Variants in CLCA4 observed in about 807,000 individuals in gnomAD.
CLCA4 encodes chloride channel accessory 4, also known as calcium-activated chloride channel regulator 4.
A neutral mutation model predicts 78.9 loss-of-function variants in CLCA4; 69 were observed. The ratio of observed to expected loss-of-function variants is 0.87; its 90% CI spans 0.72 to 1.07. The LOEUF is 1.07. CLCA4 is among the 50% of genes least tolerant of loss of function. The pLI, the probability that CLCA4 is intolerant of heterozygous loss-of-function variation, is 0.00. For synonymous variants in CLCA4, 362 were observed against 375.8 expected (o/e 0.96, Z 0.42); for missense variants, 1,133 against 1,095.8 (o/e 1.03, Z -0.48).
At chr1:86,578,669 T>C (rs575489437) in intron 12 of CLCA4, among the ~76,000 whole-genome samples, 36 of 152,168 alleles carry the variant, frequency 2.4e-4, no homozygotes, top group African/African-American at 8.2e-4. Flanking sequence ...TTATGTTAGT[T>C]TGAACATCTT....
At chr1:86,578,498 C>A (rs903564358) in intron 12 of CLCA4, among the ~76,000 whole-genome samples, 1 of 152,024 alleles carries the variant, frequency 6.6e-6, no homozygotes, top group Admixed American at 6.6e-5. Context: ...TTGTTACCCT[C>A]TTTGTGTCCA....
chr1:86,573,223 T>C (rs1650407661), intron 9 of CLCA4, among the ~76,000 whole-genome samples: 1 of 151,888 alleles, frequency 6.6e-6, no homozygotes, highest in African/African-American at 2.4e-5. Context: ...AGGGCTTCTG[T>C]CACCTCTTCA....
At chr1:86,553,119 C>G in intron 1 of CLCA4, 1 of 785,546 alleles carries the variant, frequency 1.3e-6, no homozygotes. Context: ...GTATCCCATC[C>G]TGCGTCATCT....
rs1461316227 is a variant in CLCA4 at position 86,580,599 on chromosome 1, C to CAAAGTGATGAA, written c.*258_*259insTGATGAAAAAG. ...TTTATTTGTAAGAAATAGTGATGAA[C>CAAAGTGATGAA]AAAGATCCTTTTTCATACTGATACC... On this transcript the variant is annotated 3_prime_UTR_variant, in exon 14 of 14. Transcript: ENST00000370563. The CAAAGTGATGAA allele has an allele frequency of 3.8e-5, 12 of 318,848 alleles. No homozygotes were observed. The highest frequency in any genetic ancestry group is 4.5e-5 in the Non-Finnish European group (8 of 177,054). 19.8% of individuals were successfully genotyped at this position (318,848 alleles called of 1,614,324 possible).
chr1:86,547,707 GAATA>G (rs1462803393), intron 1 of CLCA4, among the ~76,000 whole-genome samples: 3 of 152,060 alleles, frequency 2.0e-5, no homozygotes, highest in Non-Finnish European at 4.4e-5. Flanking sequence ...ATATGCATAA[GAATA>G]TGTGGTATTT....
chr1:86,579,409 C>A lies in CLCA4; in HGVS notation c.2178C>A (p.Thr726=). 6.2e-7 allele frequency: 1 copy of A among 1,613,266 alleles called. No homozygotes were observed. The highest frequency in any genetic ancestry group is 8.5e-7 in the Non-Finnish European group (1 of 1,179,528). Residue 726 remains threonine (T), a synonymous_variant, in exon 13 of 14, where the codon ACC becomes ACA. Coordinates refer to ENST00000370563, the MANE Select transcript of CLCA4 (RefSeq NM_012128.4). The stretch of plus-strand genomic sequence containing the variant: ...AAATTGATGAGGATACTCAGACCAC[C>A]TTGGAGGATTTCAGCCGAACAGCAT... ...RPEIDEDTQT[T]LEDFSRTASG...
intron 12 of CLCA4, 105 bp from the exon 13 acceptor site, chr1:86,579,249 T>C (rs2101821772): frequency 1.2e-6 from 1 of 824,006 alleles, no homozygotes. Context: ...AATGTGACTG[T>C]ATATATTTTT....
At chr1:86,560,118 A>G in intron 2 of CLCA4, 46 bp downstream of exon 2, 1 of 1,554,776 alleles carries the variant, frequency 6.4e-7, no homozygotes, top group Non-Finnish European at 8.7e-7. Flanking sequence ...TTCTGATATT[A>G]ACCATTTTTG....
intron 10 of CLCA4, 134 bp from the exon 11 acceptor site, chr1:86,575,198 A>T: frequency 1.3e-6 from 1 of 741,082 alleles, no homozygotes; most frequent in Non-Finnish European, 2.2e-6. Context: ...CTCAGCCCTT[A>T]CCCATTTATC....
chr1:86,557,722 A>G (rs1248597461), intron 1 of CLCA4, among the ~76,000 whole-genome samples: 4 of 152,166 alleles, frequency 2.6e-5, no homozygotes, highest in Admixed American at 2.6e-4. Context: ...GTATAGGTCT[A>G]TCGGATCCAT....
intron 3 of CLCA4, among the ~76,000 whole-genome samples, chr1:86,560,788 T>C (rs549868277): frequency 6.6e-6 from 1 of 152,350 alleles, no homozygotes; most frequent in East Asian, 1.9e-4. Context: ...TGCCAGTTAC[T>C]GGTCAAGAGA....
intron 1 of CLCA4, 48 bp from the exon 2 acceptor site, chr1:86,559,884 G>A (rs766316874): frequency 1.7e-5 from 25 of 1,488,424 alleles, no homozygotes; most frequent in Admixed American, 2.1e-5. Context: ...TGCTAATTTA[G>A]TTCACTCTAA....
At chr1:86,556,557 C>T (rs1649851471) in intron 1 of CLCA4, among the ~76,000 whole-genome samples, 1 of 152,058 alleles carries the variant, frequency 6.6e-6, no homozygotes, top group East Asian at 1.9e-4. Flanking sequence ...GGTGGATTTG[C>T]TTTTTGGTGA....
At chr1:86,547,471 T>G (rs1473487346) in intron 1 of CLCA4, among the ~76,000 whole-genome samples, 193 bp downstream of exon 1, 1 of 152,206 alleles carries the variant, frequency 6.6e-6, no homozygotes, top group Non-Finnish European at 1.5e-5. Flanking sequence ...TCGGGAACAT[T>G]ATAATTATTC....
In CLCA4 at chr1:86,565,787, T is replaced by G; in HGVS notation, c.736-15T>G. On this transcript the variant is annotated splice_polypyrimidine_tract_variant and intron_variant, in intron 5 of 13. Coordinates refer to ENST00000370563, the MANE Select transcript of CLCA4 (RefSeq NM_012128.4). ...TGGTATATTAAAATTATTTTTTATT[T>G]TATTAACCTTTTAGGTTGTTGAATT... The G allele has an allele frequency of 7.1e-7, 1 of 1,410,330 alleles. No individual in the cohort carries two copies. The highest frequency in any genetic ancestry group is 9.5e-7 in the Non-Finnish European group (1 of 1,057,216). 87.4% of individuals were successfully genotyped at this position (1,410,330 alleles called of 1,614,324 possible).
At chr1:86,560,183 G>A (rs746961705) in intron 2 of CLCA4, 28 bp from the exon 3 acceptor site, 3 of 1,577,762 alleles carry the variant, frequency 1.9e-6, no homozygotes, top group Admixed American at 3.9e-5. Context: ...TATTTTTGAT[G>A]TTTGACAATC....
In CLCA4 at chr1:86,580,216, TACAC is replaced by T; in HGVS notation, c.2632_2635del (p.Thr878LeufsTer26). 2 of 129,838 alleles carry T rather than the reference TACAC, an allele frequency of 1.5e-5. No homozygotes were observed. The highest frequency in any genetic ancestry group is 1.1e-5 in the Non-Finnish European group (1 of 92,348). The allele number at this position is 129,838 out of a possible 1,614,324, so 8.0% of individuals were successfully genotyped here. On this transcript the variant is annotated frameshift_variant, in exon 14 of 14. Transcript: ENST00000370563. LOFTEE classifies it low-confidence loss of function (END_TRUNC). ...AAGCAAATCCTGATGACATTGATCCTACACCTACTCCTACTCCTACTCCTACTCC... is the reference window on the plus strand; with the variant it reads ...AAGCAAATCCTGATGACATTGATCCTCTACTCCTACTCCTACTCCTACTCC...
Position 86,567,460 on chromosome 1 carries a change from A to G in CLCA4, c.991A>G (p.Lys331Glu). ...CCTAAATCGAATGAATCAAGCAGCAAAACATTTCCTGCTGCAGACTGTTGA... is the reference window on the plus strand; with the variant it reads ...CCTAAATCGAATGAATCAAGCAGCAGAACATTTCCTGCTGCAGACTGTTGA... ...DRLNRMNQAAKHFLLQTVENG... is the reference protein window; with the variant it reads ...DRLNRMNQAAEHFLLQTVENG... Residue 331 changes from lysine to glutamate, a missense_variant, in exon 7 of 14, where the codon AAA becomes GAA. By Grantham distance (56) the Lys-to-Glu change is moderately conservative (BLOSUM62 1). Transcript: ENST00000370563. The G allele has an allele frequency of 6.2e-7, 1 of 1,613,134 alleles. No homozygotes were observed. The highest frequency in any genetic ancestry group is 8.5e-7 in the Non-Finnish European group (1 of 1,179,328).
chr1:86,565,735 A>C (rs1650163787), intron 5 of CLCA4, 67 bp from the exon 6 acceptor site: 2 of 966,190 alleles, frequency 2.1e-6, no homozygotes, highest in South Asian at 2.2e-5. Context: ...TAAATTTTTC[A>C]GGTTTGTAGT....
Sources: gnomAD v4.1 joint callset for allele counts (sites outside exome capture counted in the v4.1 genomes callset) on GRCh38, gnomAD v4.1.1 for gene constraint, MANE v1.5 for transcripts, NCBI Gene and HGNC (gene_info 2026-07-23, HGNC 2026-07-21) for gene names.